Variants in CD1B observed in about 807,000 individuals in gnomAD.
CD1B encodes the protein CD1b molecule, also known as T-cell surface glycoprotein CD1b.
CD1B carries 43 observed loss-of-function variants against 39.8 expected under a neutral mutation model. The observed-to-expected ratio is 1.08, with a 90% confidence interval of 0.85 to 1.39. The LOEUF (loss-of-function observed/expected upper bound fraction) is 1.39. CD1B is among the 40% of genes most tolerant of loss of function. The pLI is 0.00. For synonymous variants in CD1B, 192 were observed against 152.5 expected, an observed-to-expected ratio of 1.26 and a Z score of -1.91; for missense variants, 495 against 403.8, an observed-to-expected ratio of 1.23 and a Z score of -1.94.
the CD1B span, among the ~76,000 whole-genome samples, chr1:158,317,075 G>A: frequency 2.0e-5 from 3 of 151,908 alleles, no homozygotes; most frequent in Non-Finnish European, 2.9e-5. Context: ...TTTTATTGAG[G>A]ATTTTTGCAT....
At chr1:158,304,199 A>G in the CD1B span, among the ~76,000 whole-genome samples, 1 of 152,154 alleles carries the variant, frequency 6.6e-6, no homozygotes, top group South Asian at 2.1e-4. Context: ...AATCAAAGAA[A>G]GGGGTGACAG....
In CD1B at chr1:158,329,003, A is replaced by G. The variant is rs562762923; in HGVS notation, c.898T>C (p.Ser300Pro). ...DIILYWRNPT[S>P]IGSIVLAIIV... ...ATTGCCAAAACAATTGAGCCAATGG[A>G]GGTGGGGTTTCCTGGCAATTGAGAG... The change falls in exon 5 of 6, where the codon TCC becomes CCC. Residue 300 changes from serine (S) to proline (P), a missense_variant. Transcript: ENST00000368168. 6.6e-5 allele frequency: 107 copies of G among 1,613,552 alleles called. No homozygotes were observed. Among genetic ancestry groups the G allele is most frequent in the Admixed American group, 2.3e-4 (14 of 59,930 alleles).
At chr1:158,312,318 T>C in the CD1B span, among the ~76,000 whole-genome samples, 1 of 152,190 alleles carries the variant, frequency 6.6e-6, no homozygotes, top group South Asian at 2.1e-4. Flanking sequence ...GTAGTTTCCA[T>C]GCACAAACTC....
the CD1B span, among the ~76,000 whole-genome samples, chr1:158,300,338 G>A: frequency 6.6e-6 from 1 of 152,128 alleles, no homozygotes; most frequent in Non-Finnish European, 1.5e-5. Context: ...ACTGTGGTCC[G>A]AGAGACAGTT....
At chr1:158,307,082 G>C in the CD1B span, among the ~76,000 whole-genome samples, 2 of 152,212 alleles carry the variant, frequency 1.3e-5, no homozygotes, top group Admixed American at 6.5e-5. Flanking sequence ...ACTAAGATCA[G>C]AGCTGAACTG....
At chr1:158,316,863 A>T in the CD1B span, among the ~76,000 whole-genome samples, 1 of 152,048 alleles carries the variant, frequency 6.6e-6, no homozygotes, top group Non-Finnish European at 1.5e-5. Context: ...AGTTTTGAGC[A>T]TGAAGGGTTG....
the CD1B span, among the ~76,000 whole-genome samples, chr1:158,315,746 G>A: frequency 6.6e-6 from 1 of 151,978 alleles, no homozygotes; most frequent in Non-Finnish European, 1.5e-5. Flanking sequence ...CCTATGTCCT[G>A]AATGGTATTG....
At chr1:158,314,621 G>A in the CD1B span, among the ~76,000 whole-genome samples, 1 of 151,678 alleles carries the variant, frequency 6.6e-6, no homozygotes, top group Admixed American at 6.6e-5. Flanking sequence ...TGCTTTTGCT[G>A]TATTCCATAG....
At position 158,331,433 on chromosome 1, in the gene CD1B, A is replaced by T; in HGVS notation, c.-10T>A. ...ATGGCAGCAGCAGCATTTCACTGGGAGATGCAACTTCTTACTGGCAGAGCT... is the reference window on the plus strand; with the variant it reads ...ATGGCAGCAGCAGCATTTCACTGGGTGATGCAACTTCTTACTGGCAGAGCT... On this transcript the variant is annotated 5_prime_UTR_variant, in exon 1 of 6. Coordinates refer to ENST00000368168, the MANE Select transcript of CD1B (RefSeq NM_001764.3). 1 of 1,612,476 alleles carries T rather than the reference A, an allele frequency of 6.2e-7. No homozygotes were observed. The highest frequency in any genetic ancestry group is 8.5e-7 in the Non-Finnish European group (1 of 1,178,600).
chr1:158,287,461 T>C, the CD1B span, among the ~76,000 whole-genome samples: 1 of 152,202 alleles, frequency 6.6e-6, no homozygotes, highest in Non-Finnish European at 1.5e-5. Flanking sequence ...TTTCCAAATA[T>C]AATCACACTG....
the CD1B span, among the ~76,000 whole-genome samples, chr1:158,316,383 A>C: frequency 7.7e-4 from 117 of 151,808 alleles, 3 homozygotes; most frequent in Admixed American, 5.7e-3. Context: ...ATCCCTTGTA[A>C]GTTGGATTCC....
chr1:158,292,860 T>G, the CD1B span: 2 of 1,614,076 alleles, frequency 1.2e-6, no homozygotes, highest in Admixed American at 3.3e-5. Context: ...GGCCAGGACA[T>G]CATCCTCTAC....
At chr1:158,316,371 A>C in the CD1B span, among the ~76,000 whole-genome samples, 1 of 151,794 alleles carries the variant, frequency 6.6e-6, no homozygotes, top group Non-Finnish European at 1.5e-5. Flanking sequence ...GAGGTCCTTC[A>C]CATCCCTTGT....
the CD1B span, among the ~76,000 whole-genome samples, chr1:158,319,396 C>T: frequency 4.6e-5 from 7 of 152,276 alleles, 1 homozygote; most frequent in South Asian, 1.4e-3. Flanking sequence ...CTTCCCTTCT[C>T]ACTTCATTTC....
At chr1:158,309,396 GT>G in the CD1B span, among the ~76,000 whole-genome samples, 1 of 152,156 alleles carries the variant, frequency 6.6e-6, no homozygotes, top group African/African-American at 2.4e-5. Flanking sequence ...CTGTAAACTA[GT>G]TCAGCCATTG....
chr1:158,319,190 C>G, the CD1B span, among the ~76,000 whole-genome samples: 3 of 151,106 alleles, frequency 2.0e-5, no homozygotes, highest in Non-Finnish European at 2.9e-5. Flanking sequence ...CTCTGTATTT[C>G]CTGAATCTGA....
the CD1B span, chr1:158,292,745 A>G: frequency 1.2e-6 from 2 of 1,614,174 alleles, no homozygotes; most frequent in Non-Finnish European, 1.7e-6. Flanking sequence ...ACATGGTGAT[A>G]TTCTTCCTAA....
At chr1:158,297,598 C>T in the CD1B span, among the ~76,000 whole-genome samples, 1 of 152,106 alleles carries the variant, frequency 6.6e-6, no homozygotes, top group Non-Finnish European at 1.5e-5. Flanking sequence ...TCAATATTTA[C>T]CTTGAAGGTA....
the CD1B span, among the ~76,000 whole-genome samples, chr1:158,310,183 A>T: frequency 1.3e-5 from 2 of 152,158 alleles, no homozygotes; most frequent in South Asian, 2.1e-4. Context: ...CAACCATCTG[A>T]TCTTTGACAA....
Sources: gnomAD v4.1 joint callset for allele counts (sites outside exome capture counted in the v4.1 genomes callset) on GRCh38, gnomAD v4.1.1 for gene constraint, MANE v1.5 for transcripts, NCBI Gene and HGNC (gene_info 2026-07-23, HGNC 2026-07-21) for gene names.